STXBP5L: variants seen among roughly 807,000 people sequenced by gnomAD.
STXBP5L encodes the protein syntaxin binding protein 5L, also known as syntaxin-binding protein 5-like.
In STXBP5L, 65 loss-of-function variants were observed where a neutral mutation model predicts 144.5. That is an observed-to-expected ratio of 0.45 (90% confidence interval 0.37 to 0.55). The LOEUF is 0.55. Ranked by LOEUF, STXBP5L falls within the 20% of genes least tolerant of loss-of-function variation. The pLI is 0.00. For synonymous variants in STXBP5L, 505 were observed against 469.6 expected (o/e 1.08, Z -0.97); for missense variants, 1,298 against 1,405.5 (o/e 0.92, Z 1.22).
chr3:120,987,655 T>A (rs1942418043), intron 3 of STXBP5L, among the ~76,000 whole-genome samples: 1 of 151,902 alleles, frequency 6.6e-6, no homozygotes, highest in African/African-American at 2.4e-5. Flanking sequence ...TGGTTTCACC[T>A]CTTAGAATTC....
chr3:121,323,258 T>C (rs559116973), intron 20 of STXBP5L, among the ~76,000 whole-genome samples: 1 of 152,338 alleles, frequency 6.6e-6, no homozygotes, highest in South Asian at 2.1e-4. Flanking sequence ...TCATAAATTC[T>C]TTTTCAAGGC....
At chr3:121,076,911 G>C (rs1010781297) in intron 5 of STXBP5L, among the ~76,000 whole-genome samples, 2 of 152,078 alleles carry the variant, frequency 1.3e-5, no homozygotes, top group African/African-American at 4.8e-5. Flanking sequence ...TTAGCCCGGA[G>C]AGTGCCTTAA....
At position 121,345,973 on chromosome 3, in the gene STXBP5L, C is replaced by T. The variant is rs905539155; in HGVS notation, c.2176+27433C>T. The stretch of plus-strand genomic sequence containing the variant: ...TTCTTTTTATTTTATTATTATTATA[C>T]TTTAAGTTTTAGGGTACGTGTGCAC... On this transcript the variant is annotated intron_variant, in intron 20 of 26. Transcript: ENST00000471454. 5.3e-5 allele frequency among the ~76,000 whole-genome samples: 8 copies of T among 151,590 alleles called. 1 individual carries two copies. The highest frequency in any genetic ancestry group is 1.9e-4 in the African/African-American group (8 of 41,242).
intron 2 of STXBP5L, among the ~76,000 whole-genome samples, chr3:120,923,874 C>T (rs748371761): frequency 1.3e-5 from 2 of 151,828 alleles, no homozygotes; most frequent in Non-Finnish European, 2.9e-5. Flanking sequence ...GTGTAGTTTA[C>T]AGTGATGTTT....
intron 5 of STXBP5L, among the ~76,000 whole-genome samples, chr3:121,074,571 AG>A (rs1403341484): frequency 1.3e-5 from 2 of 152,162 alleles, no homozygotes; most frequent in Non-Finnish European, 2.9e-5. Flanking sequence ...ATTTATGGCT[AG>A]CCTGGGGGAC....
At chr3:121,362,656 G>T (rs1187181391) in intron 20 of STXBP5L, among the ~76,000 whole-genome samples, 1 of 152,078 alleles carries the variant, frequency 6.6e-6, no homozygotes, top group African/African-American at 2.4e-5. Flanking sequence ...CCCAGGACAG[G>T]TCTAGAAATG....
chr3:121,137,042 C>G (rs892519579), intron 7 of STXBP5L, among the ~76,000 whole-genome samples: 11 of 152,010 alleles, frequency 7.2e-5, no homozygotes, highest in Non-Finnish European at 1.0e-4. Flanking sequence ...CACACAGACA[C>G]AAAGAAGGGA....
intron 3 of STXBP5L, among the ~76,000 whole-genome samples, chr3:121,001,806 A>T (rs921629637): frequency 6.6e-6 from 1 of 152,126 alleles, no homozygotes; most frequent in Non-Finnish European, 1.5e-5. Flanking sequence ...TGAAGATTTC[A>T]TTGGGGTGTG....
At chr3:121,229,825 A>G (rs1362647063) in intron 11 of STXBP5L, among the ~76,000 whole-genome samples, 1 of 152,174 alleles carries the variant, frequency 6.6e-6, no homozygotes, top group Non-Finnish European at 1.5e-5. Context: ...AAGTGCTGAG[A>G]GTATAGGCTT....
chr3:121,332,209 C>A (rs2044342264), intron 20 of STXBP5L, among the ~76,000 whole-genome samples: 2 of 151,380 alleles, frequency 1.3e-5, no homozygotes, highest in East Asian at 3.9e-4. Flanking sequence ...TGTAGTACCC[C>A]CAAAAGATCA....
rs137985665 is a variant in STXBP5L, at chr3:120,985,315, T to C, written c.287+30278T>C. On this transcript the variant is annotated intron_variant, in intron 3 of 26. Transcript: ENST00000471454. ...TTTCTTTGTCAGGAGATGTCTTTTG[T>C]ATATAGTTATGGGTTACAATATGAT... Among the ~76,000 whole-genome samples, 1,368 of 152,202 alleles carry C rather than the reference T, an allele frequency of 9.0e-3. 10 individuals carry two copies. Among genetic ancestry groups the C allele is most frequent in the Non-Finnish European group, 0.014 (957 of 67,934 alleles).
At chr3:120,912,207 A>G (rs903300665) in intron 2 of STXBP5L, among the ~76,000 whole-genome samples, 10 of 151,886 alleles carry the variant, frequency 6.6e-5, no homozygotes, top group Admixed American at 3.9e-4. Flanking sequence ...CTTTACTTCT[A>G]GTTTTACTGG....
intron 22 of STXBP5L, among the ~76,000 whole-genome samples, chr3:121,396,291 G>T (rs1015658078): frequency 1.3e-4 from 20 of 152,158 alleles, no homozygotes; most frequent in Admixed American, 6.5e-5. Flanking sequence ...TTCCACTATG[G>T]CTTGTCCTTG....
At position 121,044,696 on chromosome 3, in the gene STXBP5L, A is replaced by G. The variant is rs184700246; in HGVS notation, c.370-739A>G. Among the ~76,000 whole-genome samples the G allele has an allele frequency of 1.3e-3, 196 of 152,278 alleles. 1 individual carries two copies. The highest frequency in any genetic ancestry group is 4.5e-3 in the African/African-American group (188 of 41,572). ...GATCTGATTTAACCCAGTCAAATAA[A>G]TAGTTTAAGCATATATACAAAGTCA... On this transcript the variant is annotated intron_variant, in intron 4 of 26. Transcript: ENST00000471454.
intron 3 of STXBP5L, among the ~76,000 whole-genome samples, chr3:120,978,016 A>T (rs1457511145): frequency 2.6e-5 from 4 of 152,034 alleles, no homozygotes; most frequent in Non-Finnish European, 5.9e-5. Flanking sequence ...TATGACAATT[A>T]TGTGTCTTGG....
chr3:120,998,957 T>G (rs1943561894), intron 3 of STXBP5L, among the ~76,000 whole-genome samples: 1 of 152,344 alleles, frequency 6.6e-6, no homozygotes, highest in Non-Finnish European at 1.5e-5. Flanking sequence ...GATTTCTGCT[T>G]AATTTCATTG....
intron 2 of STXBP5L, among the ~76,000 whole-genome samples, chr3:120,937,890 C>A (rs1012781210): frequency 2.6e-5 from 4 of 152,032 alleles, no homozygotes; most frequent in African/African-American, 4.8e-5. Context: ...TTTTGATACA[C>A]AATAATAGGG....
intron 2 of STXBP5L, among the ~76,000 whole-genome samples, chr3:120,913,097 AT>A (rs1708930451): frequency 6.6e-6 from 1 of 151,782 alleles, no homozygotes; most frequent in African/African-American, 2.4e-5. Flanking sequence ...AACCTATTCT[AT>A]GTTTTTCTGT....
At chr3:120,985,559 A>G (rs567119650) in intron 3 of STXBP5L, among the ~76,000 whole-genome samples, 10 of 151,986 alleles carry the variant, frequency 6.6e-5, no homozygotes, top group Admixed American at 5.9e-4. Flanking sequence ...TTTCACCAAC[A>G]TCAGAGATGA....
Sources: allele counts gnomAD v4.1 joint callset (sites outside exome capture counted in the v4.1 genomes callset), GRCh38; gene constraint gnomAD v4.1.1; transcripts MANE v1.5; gene names NCBI Gene and HGNC (gene_info 2026-07-23, HGNC 2026-07-21).